CHST15: variants seen among roughly 807,000 people sequenced by gnomAD.
CHST15 encodes the protein B cell RAG associated protein (GALNAC4S-6ST).
CHST15 carries 30 observed loss-of-function variants against 53.6 expected under a neutral mutation model. That is an observed-to-expected ratio of 0.56 (90% CI 0.42 to 0.76). The LOEUF (loss-of-function observed/expected upper bound fraction) is 0.76, where lower values mean the gene tolerates loss of function less well. CHST15 is among the 30% of genes least tolerant of loss of function. The probability of loss-of-function intolerance (pLI) is 0.00; values close to 1 mark genes in which losing one functional copy is unlikely to be tolerated. For missense variants in CHST15, 627 were observed against 740.5 expected (o/e 0.85, Z 1.78); for synonymous variants, 296 against 289.8 (o/e 1.02, Z -0.22).
intron 4 of CHST15, 96 bp from the exon 5 acceptor site, chr10:124,038,767 T>C (rs1470510655): frequency 1.5e-6 from 2 of 1,327,424 alleles, no homozygotes; most frequent in Middle Eastern, 2.5e-4. Context: ...CCCGATGCCT[T>C]CCTCTTAAGC....
intron 1 of CHST15, among the ~76,000 whole-genome samples, chr10:124,051,897 G>GA (rs1948213993): frequency 6.6e-6 from 1 of 152,136 alleles, no homozygotes; most frequent in Admixed American, 6.5e-5. Flanking sequence ...TTCACCCTAG[G>GA]AAAAACTTAT....
At chr10:124,010,501 TGAGG>T in intron 7 of CHST15, 162 bp from the exon 8 acceptor site, 1 of 985,466 alleles carries the variant, frequency 1.0e-6, no homozygotes, top group Non-Finnish European at 1.2e-6. Context: ...TTGGAAGCAC[TGAGG>T]GAGGAAGGTG....
At chr10:124,015,396 G>C (rs1946555694) in intron 6 of CHST15, among the ~76,000 whole-genome samples, 1 of 138,156 alleles carries the variant, frequency 7.2e-6, no homozygotes, top group Admixed American at 7.0e-5. Flanking sequence ...GCAGGGCAGG[G>C]CGGGGGGGGC....
rs1450339974 is a variant in CHST15 at position 124,019,471 on chromosome 10, T to C, written c.1347+1785A>G. 6.6e-6 allele frequency among the ~76,000 whole-genome samples: 1 copy of C among 152,140 alleles called. No individual in the cohort carries two copies. The highest frequency in any genetic ancestry group is 1.5e-5 in the Non-Finnish European group (1 of 67,998). ...AGTTTCTCCGAGACCCTGTGTCCCCTGTGACGGTGGCCACAGAGCCATTGA... is the reference window on the plus strand; with the variant it reads ...AGTTTCTCCGAGACCCTGTGTCCCCCGTGACGGTGGCCACAGAGCCATTGA... On this transcript the variant is annotated intron_variant, in intron 6 of 7. Coordinates refer to ENST00000435907, the MANE Select transcript of CHST15 (RefSeq NM_001270764.2). The surrounding 1 kb of genome is among the most constrained non-coding windows in gnomAD (Gnocchi z 4.6).
In CHST15 at chr10:124,009,734, G is replaced by A. The variant is rs554047102; in HGVS notation, c.*415C>T. The stretch of plus-strand genomic sequence containing the variant: ...GGGGGAAAAAAAGGGAACGTGAAGT[G>A]TAAGTTCCAGCCAGGCCTGTGGCAT... On this transcript the variant is annotated 3_prime_UTR_variant, in exon 8 of 8. Transcript: ENST00000435907. 4.8e-6 allele frequency: 5 copies of A among 1,032,022 alleles called. No homozygotes were observed. The African/African-American group carries it at 5.2e-5, about 11-fold the overall frequency. 63.9% of individuals were successfully genotyped at this position (1,032,022 alleles called of 1,614,324 possible).
At chr10:124,041,589 G>A (rs1352990976) in intron 4 of CHST15, among the ~76,000 whole-genome samples, 1 of 152,052 alleles carries the variant, frequency 6.6e-6, no homozygotes, top group Non-Finnish European at 1.5e-5. Context: ...ACATGGCTAT[G>A]TTAATTTGCT....
intron 5 of CHST15, among the ~76,000 whole-genome samples, chr10:124,023,914 G>A (rs1185788232): frequency 1.3e-5 from 2 of 151,812 alleles, no homozygotes; most frequent in East Asian, 3.9e-4. Flanking sequence ...CGCAATCTCG[G>A]CTCACTGCAA....
chr10:124,010,858 GGGA>G (rs1590168828), intron 7 of CHST15: 3 of 985,460 alleles, frequency 3.0e-6, no homozygotes, highest in Non-Finnish European at 3.6e-6. Context: ...GAGGAGGGCT[GGGA>G]GGAGGCCACT....
chr10:124,043,402 T>C (rs1947815152), intron 3 of CHST15, among the ~76,000 whole-genome samples: 2 of 152,230 alleles, frequency 1.3e-5, no homozygotes, highest in Admixed American at 1.3e-4. Flanking sequence ...AAGAAACATT[T>C]ACACTTTAGC....
In CHST15 at chr10:124,046,105, C is replaced by T. The variant is rs151334494; in HGVS notation, c.108G>A (p.Thr36=). The change falls in exon 2 of 8, where the codon ACG becomes ACA. Residue 36 remains threonine (T), a synonymous_variant. Transcript: ENST00000435907. ...ACAGAATTTTGTTTTCTCCTTTGCA[C>T]GTGGGGCACGCCTGGTGACCGTGAT... is the stretch of plus-strand genomic sequence containing the variant. ...GPHHGHQACP[T]CKGENKILFR... The T allele has an allele frequency of 4.0e-4, 649 of 1,614,112 alleles. No individual in the cohort carries two copies. The highest frequency in any genetic ancestry group is 5.0e-4 in the Non-Finnish European group (592 of 1,180,054).
intron 6 of CHST15, chr10:124,020,463 C>T (rs192692346): frequency 2.4e-4 from 236 of 985,536 alleles, no homozygotes; most frequent in Non-Finnish European, 2.8e-4. Flanking sequence ...CATGCTGCCT[C>T]CCAGATCCCA....
intron 5 of CHST15, among the ~76,000 whole-genome samples, chr10:124,035,002 T>TAGGGACCCTGGCTCTACCCCCTAAC (rs1564868730): frequency 4.2e-3 from 171 of 41,110 alleles, no homozygotes; most frequent in African/African-American, 4.8e-3. Context: ...TACCCCCTAA[T>TAGGGACCCTGGCTCTACCCCCTAAC]AGGGACCCTG....
At chr10:124,012,502 A>AT in intron 6 of CHST15, 22 bp from the exon 7 acceptor site, 1 of 1,600,608 alleles carries the variant, frequency 6.2e-7, no homozygotes. Flanking sequence ...GAAGAAGGGC[A>AT]TTATTTCAGG....
At chr10:124,050,192 T>A (rs7902797) in intron 1 of CHST15, among the ~76,000 whole-genome samples, 4,282 of 152,250 alleles carry the variant, frequency 0.028, 198 homozygotes, top group African/African-American at 0.098. Context: ...GTGAAGGCCC[T>A]AGAGCCCGGC....
At position 124,021,289 on chromosome 10, in the gene CHST15, G is replaced by A. The variant is rs149508585; in HGVS notation, c.1314C>T (p.Cys438=). The A allele has an allele frequency of 2.9e-5, 46 of 1,612,256 alleles. 1 individual carries two copies. The highest frequency in any genetic ancestry group is 2.4e-4 in the South Asian group (22 of 91,016). Residue 438 remains cysteine, a synonymous_variant, in exon 6 of 8, where the codon TGC becomes TGT. Coordinates refer to ENST00000435907, the MANE Select transcript of CHST15 (RefSeq NM_001270764.2). The part of the protein sequence containing the change: ...NCMLDYSLRA[C]VYNNTLNNAM... ...CGTTGTTGAGGGTGTTGTTGTAGAC[G>A]CAGGCGCGCAGTGAATAATCAAGCA...
intron 6 of CHST15, among the ~76,000 whole-genome samples, chr10:124,014,387 G>A (rs1946517575): frequency 6.6e-6 from 1 of 152,208 alleles, no homozygotes; most frequent in Non-Finnish European, 1.5e-5. Flanking sequence ...AACCATGGAG[G>A]AGGATGGAGA....
chr10:124,085,373 T>C (rs1273672676), intron 1 of CHST15, among the ~76,000 whole-genome samples: 2 of 152,134 alleles, frequency 1.3e-5, no homozygotes, highest in Non-Finnish European at 2.9e-5. Flanking sequence ...CACAAAAAAC[T>C]GTGGTCACTA....
intron 6 of CHST15, among the ~76,000 whole-genome samples, chr10:124,017,974 A>T (rs968530315): frequency 1.3e-5 from 2 of 152,226 alleles, no homozygotes; most frequent in Admixed American, 6.5e-5. Flanking sequence ...AAACTGGGTC[A>T]CCTGGCCGGC....
At position 124,008,076 on chromosome 10, in the gene CHST15, A is replaced by T; in HGVS notation, c.*2073T>A. The T allele has an allele frequency of 8.1e-7, 1 of 1,232,112 alleles. No individual in the cohort carries two copies. Among genetic ancestry groups the T allele is most frequent in the Non-Finnish European group, 1.0e-6 (1 of 987,960 alleles). The allele number at this position is 1,232,112 out of a possible 1,614,324, so 76.3% of individuals were successfully genotyped here. Reference sequence around the variant, plus strand: ...TGCATATATAAAAAAGATCCGCATAATAAACCAAATAATATTGGAAATAAT... The same window carrying T: ...TGCATATATAAAAAAGATCCGCATATTAAACCAAATAATATTGGAAATAAT... On this transcript the variant is annotated 3_prime_UTR_variant, in exon 8 of 8. Coordinates refer to ENST00000435907, the MANE Select transcript of CHST15 (RefSeq NM_001270764.2).
Sources: gnomAD v4.1 joint callset for allele counts (sites outside exome capture counted in the v4.1 genomes callset) on GRCh38, gnomAD v4.1.1 for gene constraint, Gnocchi (gnomAD v3.1) non-coding constraint, MANE v1.5 for transcripts, NCBI Gene and HGNC (gene_info 2026-07-23, HGNC 2026-07-21) for gene names.